ZCWPW2: variants seen among roughly 807,000 people sequenced by gnomAD.
ZCWPW2 encodes zinc finger CW-type and PWWP domain containing 2.
In ZCWPW2, 45 loss-of-function variants were observed where a neutral mutation model predicts 46.6. The observed-to-expected ratio is 0.96, with a 90% CI of 0.76 to 1.24. The LOEUF (loss-of-function observed/expected upper bound fraction) is 1.24. Ranked by LOEUF, ZCWPW2 falls within the 50% of genes most tolerant of loss-of-function variation. The pLI, the probability that ZCWPW2 is intolerant of heterozygous loss-of-function variation, is 0.00. For missense variants in ZCWPW2, 429 were observed against 403.9 expected (o/e 1.06, Z -0.53); for synonymous variants, 152 against 137.1 (o/e 1.11, Z -0.76).
chr3:28,436,316 T>C (rs1022938769), intron 4 of ZCWPW2, among the ~76,000 whole-genome samples: 2 of 117,190 alleles, frequency 1.7e-5, no homozygotes, highest in Non-Finnish European at 3.4e-5. Context: ...AATATTTTCT[T>C]TTTTTTCTTT....
intron 1 of ZCWPW2, among the ~76,000 whole-genome samples, chr3:28,386,293 A>C (rs1306462641): frequency 1.3e-5 from 2 of 152,198 alleles, no homozygotes; most frequent in African/African-American, 4.8e-5. Context: ...AGGATCCAGC[A>C]ACGAGGCATC....
At chr3:28,437,836 G>A (rs1559504382) in intron 4 of ZCWPW2, among the ~76,000 whole-genome samples, 1 of 152,160 alleles carries the variant, frequency 6.6e-6, no homozygotes, top group Non-Finnish European at 1.5e-5. Flanking sequence ...ATTCAGAGAT[G>A]GGATTCTGGG....
chr3:28,424,513 C>T (rs1011733687), intron 3 of ZCWPW2, among the ~76,000 whole-genome samples: 1 of 152,030 alleles, frequency 6.6e-6, no homozygotes, highest in Non-Finnish European at 1.5e-5. Flanking sequence ...CAGACGTGCA[C>T]AGAAGAAAGA....
At chr3:28,362,304 A>ATAG (rs1704970094) in intron 1 of ZCWPW2, among the ~76,000 whole-genome samples, 1 of 143,442 alleles carries the variant, frequency 7.0e-6, no homozygotes, top group Non-Finnish European at 1.6e-5. Flanking sequence ...GTTTCATATT[A>ATAG]TATTATTAAA....
chr3:28,377,331 A>C (rs959147295), intron 1 of ZCWPW2, among the ~76,000 whole-genome samples: 3 of 152,104 alleles, frequency 2.0e-5, no homozygotes. Flanking sequence ...AACAATCATT[A>C]TGCAGTTCTC....
chr3:28,516,883 A>G (rs1225489728), intron 8 of ZCWPW2, among the ~76,000 whole-genome samples: 1 of 152,044 alleles, frequency 6.6e-6, no homozygotes, highest in Non-Finnish European at 1.5e-5. Context: ...ATGGTGGCAC[A>G]TGCCTGTAGT....
At chr3:28,360,369 A>G (rs1704893827) in intron 1 of ZCWPW2, among the ~76,000 whole-genome samples, 1 of 149,376 alleles carries the variant, frequency 6.7e-6, no homozygotes, top group Admixed American at 6.7e-5. Context: ...AAAAAAAAAA[A>G]AAAAATAGCC....
rs1305197840 is a variant in ZCWPW2 at position 28,348,909 on chromosome 3, T to A, written c.-428T>A. On this transcript the variant is annotated 5_prime_UTR_variant, in exon 1 of 10. Coordinates refer to ENST00000383768, the MANE Select transcript of ZCWPW2 (RefSeq NM_001040432.4). ...ACGCGCGCGAGACCCAGGCCCGCCGTCGGGACCAGCACGGGCCGGAGGGAG... is the reference window on the plus strand; with the variant it reads ...ACGCGCGCGAGACCCAGGCCCGCCGACGGGACCAGCACGGGCCGGAGGGAG... The A allele has an allele frequency of 1.0e-6, 1 of 978,404 alleles. No homozygotes were observed. Among genetic ancestry groups the A allele is most frequent in the African/African-American group, 1.8e-5 (1 of 57,120 alleles). 60.6% of individuals were successfully genotyped at this position (978,404 alleles called of 1,614,324 possible).
chr3:28,490,305 A>G (rs1367437660), intron 5 of ZCWPW2, among the ~76,000 whole-genome samples: 2 of 152,096 alleles, frequency 1.3e-5, no homozygotes, highest in East Asian at 1.9e-4. Flanking sequence ...TGACCCAGCA[A>G]TCCCATTTTT....
intron 1 of ZCWPW2, among the ~76,000 whole-genome samples, chr3:28,369,841 C>G (rs1212036197): frequency 2.0e-5 from 3 of 152,190 alleles, no homozygotes; most frequent in Admixed American, 6.5e-5. Context: ...TTTACCTACT[C>G]AAGCCTCAGC....
At chr3:28,385,825 T>C (rs924672200) in intron 1 of ZCWPW2, among the ~76,000 whole-genome samples, 1 of 152,206 alleles carries the variant, frequency 6.6e-6, no homozygotes, top group African/African-American at 2.4e-5. Flanking sequence ...TCTAACAGAT[T>C]TGATTTACTG....
At chr3:28,488,831 A>G (rs1699698341) in intron 5 of ZCWPW2, among the ~76,000 whole-genome samples, 1 of 152,172 alleles carries the variant, frequency 6.6e-6, no homozygotes, top group African/African-American at 2.4e-5. Context: ...AGATTTCTGA[A>G]GGAAGGAAAT....
At chr3:28,361,750 G>A (rs80033646) in intron 1 of ZCWPW2, among the ~76,000 whole-genome samples, 1 of 152,132 alleles carries the variant, frequency 6.6e-6, no homozygotes, top group Non-Finnish European at 1.5e-5. Flanking sequence ...AAGATATGCA[G>A]ATGGCAAGGT....
rs187652510 is a variant in ZCWPW2, at chr3:28,408,974, C to T, written c.-13-4082C>T. On this transcript the variant is annotated intron_variant, in intron 2 of 9. Transcript: ENST00000383768. The stretch of plus-strand genomic sequence containing the variant: ...TGTGAATTAGGGTAAAGAGCCATTT[C>T]GGACCAATTACTAAAAGATGAAGAA... 6.3e-4 allele frequency among the ~76,000 whole-genome samples: 96 copies of T among 152,036 alleles called. No homozygotes were observed. The Middle Eastern group carries it at 0.02, about 32-fold the overall frequency.
At position 28,370,886 on chromosome 3, in the gene ZCWPW2, C is replaced by T. The variant is rs190896943; in HGVS notation, c.-133-19612C>T. Among the ~76,000 whole-genome samples the T allele has an allele frequency of 4.4e-3, 672 of 152,204 alleles. 6 individuals are homozygous for T. The highest frequency in any genetic ancestry group is 0.015 in the African/African-American group (625 of 41,536). On this transcript the variant is annotated intron_variant, in intron 1 of 9. Transcript: ENST00000383768. ...TAGCTGGGATTACAGGCATGCACCA[C>T]CATGCCCAGCTAATTTTGTATTTTT...
At chr3:28,397,578 G>C (rs1344236309) in intron 2 of ZCWPW2, among the ~76,000 whole-genome samples, 4 of 152,108 alleles carry the variant, frequency 2.6e-5, no homozygotes, top group Admixed American at 2.6e-4. Flanking sequence ...GCTGAGGCAG[G>C]AGAATCACTT....
At chr3:28,518,363 C>T (rs10510611) in intron 8 of ZCWPW2, among the ~76,000 whole-genome samples, 25,219 of 151,876 alleles carry the variant, frequency 0.17, 2,460 homozygotes, top group East Asian at 0.46. Context: ...TCATTTTGTC[C>T]GTATCTTTGG....
intron 8 of ZCWPW2, among the ~76,000 whole-genome samples, chr3:28,520,491 T>C (rs941834600): frequency 4.6e-5 from 7 of 152,198 alleles, no homozygotes; most frequent in African/African-American, 1.7e-4. Context: ...CACCAGCTGC[T>C]GCCTGTTTTT....
intron 2 of ZCWPW2, among the ~76,000 whole-genome samples, chr3:28,391,633 C>A (rs919599645): frequency 5.3e-5 from 8 of 152,144 alleles, no homozygotes; most frequent in Admixed American, 1.3e-4. Flanking sequence ...CTGTGGAAGC[C>A]ATGGACACCT....
Sources: gnomAD v4.1 joint callset for allele counts (sites outside exome capture counted in the v4.1 genomes callset) on GRCh38, gnomAD v4.1.1 for gene constraint, MANE v1.5 for transcripts, NCBI Gene and HGNC (gene_info 2026-07-23, HGNC 2026-07-21) for gene names.